HNRNPLL: variants seen among roughly 807,000 people sequenced by gnomAD.
The protein encoded by HNRNPLL is heterogeneous nuclear ribonucleoprotein L-like.
A neutral mutation model predicts 67.1 loss-of-function variants in HNRNPLL; 25 were observed. The ratio of observed to expected loss-of-function variants is 0.37; its 90% CI spans 0.27 to 0.52. HNRNPLL has a LOEUF of 0.52. Ranked by LOEUF, HNRNPLL falls within the 20% of genes least tolerant of loss-of-function variation. The pLI is 0.90. For missense variants in HNRNPLL, 542 were observed against 673.9 expected, an observed-to-expected ratio of 0.80 and a Z score of 2.17; for synonymous variants, 267 against 241.7, an observed-to-expected ratio of 1.10 and a Z score of -0.97.
rs771252136 is a variant in HNRNPLL, at chr2:38,602,675, G to A, written c.-49C>T. 1.4e-6 allele frequency: 2 copies of A among 1,437,568 alleles called. No homozygotes were observed. The highest frequency in any genetic ancestry group is 1.5e-5 in the African/African-American group (1 of 66,506). 89.1% of individuals were successfully genotyped at this position (1,437,568 alleles called of 1,614,324 possible). On this transcript the variant is annotated 5_prime_UTR_variant, in exon 1 of 13. Coordinates refer to ENST00000449105, the MANE Select transcript of HNRNPLL (RefSeq NM_138394.4). ...GGCAGGCGGGTGGGGGTGGCGGTGG[G>A]GCGCGCGCCTCGGATGCCGCCGGCC... is the stretch of plus-strand genomic sequence containing the variant.
intron 6 of HNRNPLL, among the ~76,000 whole-genome samples, chr2:38,580,122 T>A (rs555418382): frequency 6.6e-6 from 1 of 152,238 alleles, no homozygotes; most frequent in East Asian, 1.9e-4. Context: ...AAAGAGCCCC[T>A]GAGAAAAATG....
In HNRNPLL at chr2:38,591,616, A is replaced by C. The variant is rs1397317236; in HGVS notation, c.222T>G (p.Val74=). The C allele has an allele frequency of 1.2e-6, 2 of 1,613,320 alleles. No individual in the cohort carries two copies. Among genetic ancestry groups the C allele is most frequent in the Middle Eastern group, 1.6e-4 (1 of 6,080 alleles). Residue 74 remains valine, a synonymous_variant, in exon 2 of 13, where the codon GTT becomes GTG. Coordinates refer to ENST00000449105, the MANE Select transcript of HNRNPLL (RefSeq NM_138394.4). The stretch of plus-strand genomic sequence containing the variant: ...GTCCTCGAACATGGACGACGGGTGA[A>C]ACAGAAACTTTATGATGACTTCCAC... ...EAGGSHHKVS[V]SPVVHVRGLC...
chr2:38,573,267 T>C lies in HNRNPLL; in HGVS notation c.1035A>G (p.Leu345=), dbSNP rs539690708. The C allele has an allele frequency of 4.8e-5, 78 of 1,611,002 alleles. No individual in the cohort carries two copies. The Admixed American group carries it at 7.1e-4, about 15-fold the overall frequency. The change falls in exon 8 of 13, where the codon CTA becomes CTG. Residue 345 remains leucine (L), a synonymous_variant. Transcript: ENST00000449105. ...SVVMVSGLHQ[L]KMNCSRVFNL... is the part of the protein sequence containing the mutation. ...TGAAGACTCTTGAACAATTCATTTT[T>C]AGTTGATGTAATCCACTAACCATTA...
intron 2 of HNRNPLL, among the ~76,000 whole-genome samples, chr2:38,591,108 C>T (rs12987111): frequency 0.12 from 18,626 of 152,172 alleles, 1,228 homozygotes; most frequent in African/African-American, 0.14. Context: ...CTTTTAGTTG[C>T]CAATTAATTC....
At chr2:38,595,592 G>T (rs1165017345) in intron 1 of HNRNPLL, among the ~76,000 whole-genome samples, 2 of 152,118 alleles carry the variant, frequency 1.3e-5, no homozygotes, top group Admixed American at 1.3e-4. Context: ...CGCCTGTAAT[G>T]CCAGCCCTTT....
At chr2:38,595,515 G>C (rs1272646159) in intron 1 of HNRNPLL, among the ~76,000 whole-genome samples, 1 of 151,970 alleles carries the variant, frequency 6.6e-6, no homozygotes, top group Non-Finnish European at 1.5e-5. Flanking sequence ...TATTTCCTAA[G>C]TGGAATAAAG....
intron 7 of HNRNPLL, among the ~76,000 whole-genome samples, chr2:38,573,733 G>C (rs1314584660): frequency 1.3e-5 from 2 of 151,794 alleles, no homozygotes; most frequent in Admixed American, 6.6e-5. Context: ...TGAATGTAAA[G>C]TCTGGGGCTA....
chr2:38,575,530 A>G (rs1015108666), intron 7 of HNRNPLL, among the ~76,000 whole-genome samples: 1 of 151,882 alleles, frequency 6.6e-6, no homozygotes, highest in African/African-American at 2.4e-5. Context: ...CTACCAGTTC[A>G]TATCATTAAG....
chr2:38,576,016 A>G (rs1666288320), intron 7 of HNRNPLL, among the ~76,000 whole-genome samples: 1 of 151,812 alleles, frequency 6.6e-6, no homozygotes, highest in Non-Finnish European at 1.5e-5. Flanking sequence ...CACCACAACT[A>G]TCAAAGAATT....
rs1161835953 is a variant in HNRNPLL, at chr2:38,602,698, G to A, written c.-72C>T. The A allele has an allele frequency of 3.5e-6, 5 of 1,426,030 alleles. No homozygotes were observed. The highest frequency in any genetic ancestry group is 2.0e-4 in the Middle Eastern group (1 of 4,934). The allele number at this position is 1,426,030 out of a possible 1,614,324, so 88.3% of individuals were successfully genotyped here. A position where few individuals can be genotyped will look rare whatever the true frequency, so the allele number is the denominator to read the frequency against. Reference sequence around the variant, plus strand: ...GGGGCGCGCGCCTCGGATGCCGCCGGCCAGTCCTCGCCGCCGGCAGCGCCT... The same window carrying A: ...GGGGCGCGCGCCTCGGATGCCGCCGACCAGTCCTCGCCGCCGGCAGCGCCT... On this transcript the variant is annotated 5_prime_UTR_variant, in exon 1 of 13. Transcript: ENST00000449105.
Position 38,569,277 on chromosome 2 carries a change from G to A in HNRNPLL, c.1272C>T (p.Thr424=). ...TCATTGCAAAATCTTTGTAGCTGCT[G>A]GTACCATCCTCCAGCTCAAATATTT... ...PSQIFELEDG[T]SSYKDFAMSK... The change falls in exon 10 of 13, where the codon ACC becomes ACT. Residue 424 remains threonine (T), a synonymous_variant. Transcript: ENST00000449105. The A allele has an allele frequency of 6.2e-7, 1 of 1,613,066 alleles. No homozygotes were observed. Among genetic ancestry groups the A allele is most frequent in the Non-Finnish European group, 8.5e-7 (1 of 1,179,360 alleles).
intron 6 of HNRNPLL, among the ~76,000 whole-genome samples, chr2:38,580,547 T>C (rs1462059127): frequency 1.3e-5 from 2 of 152,180 alleles, no homozygotes; most frequent in Non-Finnish European, 2.9e-5. Context: ...TGCCATAAAA[T>C]TTTTTTCTAG....
intron 12 of HNRNPLL, chr2:38,567,981 T>A: frequency 2.3e-6 from 1 of 428,554 alleles, no homozygotes; most frequent in Non-Finnish European, 4.1e-6. Flanking sequence ...TCAGAAACAG[T>A]AAGATAATAA....
chr2:38,597,058 C>T (rs376210799), intron 1 of HNRNPLL, among the ~76,000 whole-genome samples: 13 of 152,108 alleles, frequency 8.5e-5, no homozygotes, highest in African/African-American at 3.1e-4. Flanking sequence ...TTCACAACTC[C>T]CTCTTCACAG....
At chr2:38,582,257 T>C (rs557440834) in intron 4 of HNRNPLL, 89 bp from the exon 5 acceptor site, 2 of 833,856 alleles carry the variant, frequency 2.4e-6, no homozygotes, top group Admixed American at 2.1e-5. Context: ...TAATCAGAAG[T>C]AGCTCTTTTA....
intron 1 of HNRNPLL, 24 bp from the exon 2 acceptor site, chr2:38,591,672 G>C: frequency 6.5e-7 from 1 of 1,541,866 alleles, no homozygotes; most frequent in African/African-American, 1.4e-5. Context: ...ATAATTTCTA[G>C]TTAAAAAAAT....
In HNRNPLL at chr2:38,562,746, G is replaced by A. The variant is rs1415994856; in HGVS notation, c.*1436C>T. 2.0e-5 allele frequency: 3 copies of A among 151,932 alleles called. No homozygotes were observed. Among genetic ancestry groups the A allele is most frequent in the African/African-American group, 4.8e-5 (2 of 41,402 alleles). 9.4% of individuals were successfully genotyped at this position (151,932 alleles called of 1,614,324 possible). A position where few individuals can be genotyped will look rare whatever the true frequency, so the allele number is the denominator to read the frequency against. On this transcript the variant is annotated 3_prime_UTR_variant, in exon 13 of 13. Coordinates refer to ENST00000449105, the MANE Select transcript of HNRNPLL (RefSeq NM_138394.4). Reference sequence around the variant, plus strand: ...TTTAATTTTTTCTTTATCTTTAGAGGGCTAAATGCTGGTCCACTGCCATCA... The same window carrying A: ...TTTAATTTTTTCTTTATCTTTAGAGAGCTAAATGCTGGTCCACTGCCATCA...
intron 1 of HNRNPLL, among the ~76,000 whole-genome samples, chr2:38,593,554 C>T (rs1247550466): frequency 6.6e-6 from 1 of 152,062 alleles, no homozygotes; most frequent in African/African-American, 2.4e-5. Context: ...GTATCAAAAA[C>T]CAGTGGAGGG....
chr2:38,585,496 TGTTC>T (rs1366949352), intron 3 of HNRNPLL, 144 bp downstream of exon 3: 2 of 602,060 alleles, frequency 3.3e-6, no homozygotes, highest in African/African-American at 3.7e-5. Flanking sequence ...ATTTTTTCTT[TGTTC>T]ATTAAACTTG....
Sources: allele counts gnomAD v4.1 joint callset (sites outside exome capture counted in the v4.1 genomes callset), GRCh38; gene constraint gnomAD v4.1.1; transcripts MANE v1.5; gene names NCBI Gene and HGNC (gene_info 2026-07-23, HGNC 2026-07-21).